Variants in TNIK observed in about 807,000 individuals in gnomAD.
TNIK encodes TRAF2 and NCK interacting kinase, also known as TRAF2 and NCK-interacting protein kinase.
In TNIK, 49 loss-of-function variants were observed where a neutral mutation model predicts 191.3. The observed-to-expected ratio is 0.26, with a 90% CI of 0.20 to 0.32. The LOEUF is 0.32. TNIK is among the 10% of genes least tolerant of loss of function. The pLI is 1.00. For synonymous variants in TNIK, 594 were observed against 600.9 expected (o/e 0.99, Z 0.17); for missense variants, 1,155 against 1,702.3 (o/e 0.68, Z 5.66).
chr3:171,389,701 G>A (rs147551778), intron 1 of TNIK, among the ~76,000 whole-genome samples: 162 of 152,262 alleles, frequency 1.1e-3, no homozygotes, highest in Non-Finnish European at 1.9e-3. Flanking sequence ...ATTTGCCAAT[G>A]TTTGTGTTAA....
At chr3:171,076,423 G>A (rs1040381637) in intron 28 of TNIK, among the ~76,000 whole-genome samples, 1 of 152,024 alleles carries the variant, frequency 6.6e-6, no homozygotes, top group South Asian at 2.1e-4. Context: ...GATTTCAGCC[G>A]ACATTATGTC....
In TNIK at chr3:171,066,751, A is replaced by G. The variant is rs1263158741; in HGVS notation, c.3700-16T>C. The G allele has an allele frequency of 9.9e-6, 16 of 1,610,558 alleles. No homozygotes were observed. In the East Asian group the frequency reaches 3.6e-4, roughly 36 times the overall value. On this transcript the variant is annotated splice_polypyrimidine_tract_variant and intron_variant, in intron 30 of 32. Coordinates refer to ENST00000436636, the MANE Select transcript of TNIK (RefSeq NM_015028.4). ...TGCCCTGAATCTAGAAGACAAAGAA[A>G]AGCCAAGCATTATTCTTTTAAAAAA...
intron 2 of TNIK, among the ~76,000 whole-genome samples, chr3:171,298,444 CCCTCG>C (rs1327948819): frequency 6.6e-6 from 1 of 152,204 alleles, no homozygotes; most frequent in East Asian, 1.9e-4. Flanking sequence ...TCCCTCTGTT[CCCTCG>C]CATGTTCCAG....
chr3:171,422,474 T>C (rs1723949540), intron 1 of TNIK, among the ~76,000 whole-genome samples: 1 of 152,264 alleles, frequency 6.6e-6, no homozygotes, highest in African/African-American at 2.4e-5. Flanking sequence ...ACCAATTCAC[T>C]AGCTTCAGTT....
At chr3:171,309,839 T>C (rs1451742519) in intron 2 of TNIK, among the ~76,000 whole-genome samples, 5 of 152,182 alleles carry the variant, frequency 3.3e-5, no homozygotes, top group African/African-American at 1.2e-4. Context: ...ACTATTTTTC[T>C]TGAAGTCCAG....
At chr3:171,090,755 G>A (rs1337633913) in intron 23 of TNIK, among the ~76,000 whole-genome samples, 1 of 152,174 alleles carries the variant, frequency 6.6e-6, no homozygotes, top group Non-Finnish European at 1.5e-5. Context: ...GTAAAAAGTG[G>A]TCCTGTGGGG....
chr3:171,128,884 ACC>A lies in TNIK; in HGVS notation c.1609-8_1609-7del. The A allele has an allele frequency of 1.4e-6, 2 of 1,425,562 alleles. No homozygotes were observed. The highest frequency in any genetic ancestry group is 2.6e-5 in the East Asian group (1 of 38,932). The allele number at this position is 1,425,562 out of a possible 1,614,324, so 88.3% of individuals were successfully genotyped here. On this transcript the variant is annotated splice_polypyrimidine_tract_variant and splice_region_variant and intron_variant, in intron 15 of 32. Coordinates refer to ENST00000436636, the MANE Select transcript of TNIK (RefSeq NM_015028.4). ...AGCCTTGACCGTTCTTCTACCTACA[ACC>A]CAAAAAAAAAAAAAAAAAAAAGACA...
intron 1 of TNIK, among the ~76,000 whole-genome samples, chr3:171,444,974 CAA>C (rs35084107): frequency 7.2e-5 from 11 of 152,130 alleles, no homozygotes; most frequent in African/African-American, 2.4e-4. Flanking sequence ...CTTGGCCTCC[CAA>C]AGTGCTGGGA....
chr3:171,279,285 C>CT (rs1247254896), intron 2 of TNIK, among the ~76,000 whole-genome samples: 4 of 152,030 alleles, frequency 2.6e-5, no homozygotes, highest in Non-Finnish European at 5.9e-5. Context: ...TTATAGTTTG[C>CT]TTTTTTCTAT....
At chr3:171,442,425 G>A (rs1726939263) in intron 1 of TNIK, among the ~76,000 whole-genome samples, 1 of 152,188 alleles carries the variant, frequency 6.6e-6, no homozygotes, top group Non-Finnish European at 1.5e-5. Flanking sequence ...TTGGGGGACT[G>A]AACTGGCAAG....
chr3:171,227,172 T>C (rs1241371514), intron 3 of TNIK, among the ~76,000 whole-genome samples: 1 of 152,190 alleles, frequency 6.6e-6, no homozygotes, highest in Non-Finnish European at 1.5e-5. Flanking sequence ...CTGTGTACTC[T>C]TGAAAAGGCA....
chr3:171,067,927 C>T (rs2108309839), intron 30 of TNIK, among the ~76,000 whole-genome samples: 1 of 152,264 alleles, frequency 6.6e-6, no homozygotes, highest in African/African-American at 2.4e-5. Context: ...CAATGAATGG[C>T]AGTCGTGTGT....
At chr3:171,136,258 G>A (rs757490984) in intron 15 of TNIK, among the ~76,000 whole-genome samples, 6 of 152,198 alleles carry the variant, frequency 3.9e-5, no homozygotes, top group Non-Finnish European at 5.9e-5. Context: ...GTCGCTTAGC[G>A]ATGCAGCATT....
chr3:171,295,566 C>T lies in TNIK; in HGVS notation c.124-67345G>A, dbSNP rs140441884. ...CAATTTACCAATCCTGCCTCTCACCCTCTCCACAAAGTCTTTGCTTTCTGA... is the reference window on the plus strand; with the variant it reads ...CAATTTACCAATCCTGCCTCTCACCTTCTCCACAAAGTCTTTGCTTTCTGA... On this transcript the variant is annotated intron_variant, in intron 2 of 32. Coordinates refer to ENST00000436636, the MANE Select transcript of TNIK (RefSeq NM_015028.4). Among the ~76,000 whole-genome samples, 861 of 152,356 alleles carry T rather than the reference C, an allele frequency of 5.7e-3. 10 individuals carry two copies. Among genetic ancestry groups the T allele is most frequent in the African/African-American group, 0.02 (826 of 41,584 alleles).
intron 12 of TNIK, among the ~76,000 whole-genome samples, chr3:171,152,776 GTTT>G (rs11346783): frequency 7.2e-6 from 1 of 139,798 alleles, no homozygotes; most frequent in African/African-American, 2.7e-5. Context: ...TTTGTTTTTT[GTTT>G]TTTTTTTTTT....
intron 1 of TNIK, among the ~76,000 whole-genome samples, chr3:171,441,357 C>G (rs983323328): frequency 1.3e-5 from 2 of 152,174 alleles, no homozygotes; most frequent in African/African-American, 4.8e-5. Flanking sequence ...TACTTTCTAC[C>G]TCCGTAGATT....
intron 4 of TNIK, among the ~76,000 whole-genome samples, chr3:171,206,828 C>T (rs1383589932): frequency 6.6e-6 from 1 of 152,132 alleles, no homozygotes; most frequent in Non-Finnish European, 1.5e-5. Flanking sequence ...CACCCCTCTC[C>T]TTCCCTCAAC....
chr3:171,142,245 C>G (rs1285721653), intron 12 of TNIK, among the ~76,000 whole-genome samples: 3 of 152,198 alleles, frequency 2.0e-5, no homozygotes, highest in African/African-American at 7.2e-5. Flanking sequence ...CAAAAGGCCT[C>G]CCCATCATCC....
At chr3:171,161,090 TC>T (rs1286731008) in intron 11 of TNIK, among the ~76,000 whole-genome samples, 179 bp downstream of exon 11, 2 of 152,202 alleles carry the variant, frequency 1.3e-5, no homozygotes, top group Non-Finnish European at 2.9e-5. Flanking sequence ...TTCCACATTT[TC>T]GTAATGGTCT....
Sources: gnomAD v4.1 joint callset for allele counts (sites outside exome capture counted in the v4.1 genomes callset) on GRCh38, gnomAD v4.1.1 for gene constraint, MANE v1.5 for transcripts, NCBI Gene and HGNC (gene_info 2026-07-23, HGNC 2026-07-21) for gene names.